Variants in SYT6 observed in about 807,000 individuals in gnomAD.
SYT6 encodes the protein synaptotagmin-6.
SYT6 carries 24 observed loss-of-function variants against 38.4 expected under a neutral mutation model. The ratio of observed to expected loss-of-function variants is 0.62; its 90% CI spans 0.45 to 0.88. The LOEUF (loss-of-function observed/expected upper bound fraction) is 0.88. SYT6 is among the 40% of genes least tolerant of loss of function. SYT6 has a pLI of 0.00. For synonymous variants in SYT6, 265 were observed against 241.9 expected (o/e 1.10, Z -0.89); for missense variants, 611 against 621.0 (o/e 0.98, Z 0.17).
chr1:114,108,031 C>T lies in SYT6; in HGVS notation c.1072-4310G>A, dbSNP rs1177347510. On this transcript the variant is annotated intron_variant, in intron 3 of 7. Coordinates refer to ENST00000610222, the MANE Select transcript of SYT6 (RefSeq NM_001253772.2). ...CCAGCGTAGCCCTCTAGACTTCTAACCTAGGAGCTGATAGGGTAGATCTGA... is the reference window on the plus strand; with the variant it reads ...CCAGCGTAGCCCTCTAGACTTCTAATCTAGGAGCTGATAGGGTAGATCTGA... Among the ~76,000 whole-genome samples, 6 of 152,228 alleles carry T rather than the reference C, an allele frequency of 3.9e-5. No homozygotes were observed. The South Asian group carries it at 6.2e-4, about 16-fold the overall frequency.
intron 3 of SYT6, among the ~76,000 whole-genome samples, chr1:114,114,560 G>C (rs1056974276): frequency 5.3e-5 from 8 of 152,152 alleles, no homozygotes; most frequent in Non-Finnish European, 1.0e-4. Flanking sequence ...TCAGCGGGTG[G>C]GCTGAATATT....
chr1:114,098,982 C>T (rs2101626548), intron 5 of SYT6, 112 bp downstream of exon 5: 1 of 1,136,140 alleles, frequency 8.8e-7, no homozygotes, highest in Non-Finnish European at 1.2e-6. Flanking sequence ...GATTTGAGGC[C>T]TGAACCCTAA....
At position 114,143,213 on chromosome 1, in the gene SYT6, A is replaced by T. The variant is rs982267029; in HGVS notation, c.164-3250T>A. 2.7e-5 allele frequency among the ~76,000 whole-genome samples: 4 copies of T among 148,874 alleles called. No homozygotes were observed. In the South Asian group the frequency reaches 8.4e-4, roughly 31 times the overall value. On this transcript the variant is annotated intron_variant, in intron 1 of 7. Coordinates refer to ENST00000610222, the MANE Select transcript of SYT6 (RefSeq NM_001253772.2). ...ATTTTATACTATATATATTTTATTT[A>T]ATTCTATTGTGCTATTCTAATAATT...
chr1:114,151,095 A>C (rs1679418279), intron 1 of SYT6, among the ~76,000 whole-genome samples: 1 of 152,132 alleles, frequency 6.6e-6, no homozygotes, highest in African/African-American at 2.4e-5. Flanking sequence ...CTGGTTGGAG[A>C]ATCTGGACCC....
chr1:114,130,806 T>C (rs1678098196), intron 3 of SYT6, among the ~76,000 whole-genome samples: 1 of 152,146 alleles, frequency 6.6e-6, no homozygotes, highest in African/African-American at 2.4e-5. Flanking sequence ...TATGCTTACC[T>C]CTTACTCCTG....
chr1:114,130,873 C>T (rs1678102790), intron 3 of SYT6, among the ~76,000 whole-genome samples: 1 of 152,186 alleles, frequency 6.6e-6, no homozygotes, highest in South Asian at 2.1e-4. Flanking sequence ...GGCGTTGTCT[C>T]AAACTGCTAG....
At position 114,090,146 on chromosome 1, in the gene SYT6, C is replaced by T. The variant is rs764108078; in HGVS notation, c.*1988G>A. ...AAGGCCTTCAGCATCTGTTCACTGA[C>T]GGAAACGACTATCTTGATGGGGTCA... On this transcript the variant is annotated 3_prime_UTR_variant, in exon 8 of 8. Transcript: ENST00000610222. 16 of 152,392 alleles carry T rather than the reference C, an allele frequency of 1.0e-4. No individual in the cohort carries two copies. Among genetic ancestry groups the T allele is most frequent in the South Asian group, 4.1e-4 (2 of 4,824 alleles). The allele number at this position is 152,392 out of a possible 1,614,324, so 9.4% of individuals were successfully genotyped here. A position where few individuals can be genotyped will look rare whatever the true frequency, so the allele number is the denominator to read the frequency against.
rs1015303057 is a variant in SYT6, at chr1:114,091,917, T to C, written c.*217A>G. The C allele has an allele frequency of 7.7e-5, 101 of 1,308,866 alleles. No individual in the cohort carries two copies. In the Admixed American group the frequency reaches 1.5e-3, roughly 20 times the overall value. 81.1% of individuals were successfully genotyped at this position (1,308,866 alleles called of 1,614,324 possible). A position where few individuals can be genotyped will look rare whatever the true frequency, so the allele number is the denominator to read the frequency against. Reference sequence around the variant, plus strand: ...TGGAGTGACGGACGGCTGCCGCTGCTGCCGCCACTGCGACTGCACAACACT... The same window carrying C: ...TGGAGTGACGGACGGCTGCCGCTGCCGCCGCCACTGCGACTGCACAACACT... On this transcript the variant is annotated 3_prime_UTR_variant, in exon 8 of 8. Transcript: ENST00000610222.
chr1:114,140,928 G>A (rs1452970622), intron 1 of SYT6, among the ~76,000 whole-genome samples: 3 of 152,246 alleles, frequency 2.0e-5, no homozygotes, highest in Non-Finnish European at 4.4e-5. Context: ...TATTCCTATC[G>A]TCATTGTTTT....
intron 3 of SYT6, among the ~76,000 whole-genome samples, chr1:114,133,490 G>C (rs1173368067): frequency 3.3e-5 from 5 of 152,208 alleles, no homozygotes; most frequent in African/African-American, 1.2e-4. Flanking sequence ...AAGATGCTAG[G>C]AGGGAAGAGC....
At position 114,138,072 on chromosome 1, in the gene SYT6, G is replaced by C. The variant is rs778120005; in HGVS notation, c.513-19C>G. The C allele has an allele frequency of 5.6e-6, 9 of 1,606,010 alleles. No homozygotes were observed. Among genetic ancestry groups the C allele is most frequent in the East Asian group, 2.2e-5 (1 of 44,696 alleles). On this transcript the variant is annotated intron_variant, in intron 2 of 7. Coordinates refer to ENST00000610222, the MANE Select transcript of SYT6 (RefSeq NM_001253772.2). ...CGTGTGCCTGGTAGAGGGCAGGAGG[G>C]GGCAGAGGGAGTGTGGTCAGGGCTC...
At chr1:114,133,845 T>C (rs1275725856) in intron 3 of SYT6, among the ~76,000 whole-genome samples, 4 of 152,150 alleles carry the variant, frequency 2.6e-5, no homozygotes, top group Non-Finnish European at 1.5e-5. Flanking sequence ...AGGCTTAAGA[T>C]TTGCAATTAA....
intron 1 of SYT6, among the ~76,000 whole-genome samples, chr1:114,144,150 A>G (rs937020061): frequency 1.3e-5 from 2 of 152,184 alleles, no homozygotes; most frequent in Admixed American, 6.5e-5. Context: ...GAAAAGACCA[A>G]TGACTTGGTA....
At chr1:114,118,729 A>C (rs530339896) in intron 3 of SYT6, among the ~76,000 whole-genome samples, 2 of 152,124 alleles carry the variant, frequency 1.3e-5, no homozygotes, top group Non-Finnish European at 2.9e-5. Context: ...AGCAGTCAGC[A>C]TTTCCTCTCT....
intron 1 of SYT6, among the ~76,000 whole-genome samples, chr1:114,151,864 C>A (rs1431305215): frequency 6.6e-6 from 1 of 152,072 alleles, no homozygotes; most frequent in African/African-American, 2.4e-5. Context: ...ATGTGTTCTG[C>A]GAATCTCCAA....
At chr1:114,099,021 G>T in intron 5 of SYT6, 73 bp downstream of exon 5, 2 of 1,487,156 alleles carry the variant, frequency 1.3e-6, no homozygotes, top group Non-Finnish European at 9.1e-7. Flanking sequence ...AAGGTCTAAG[G>T]TCAAGGAGCC....
intron 7 of SYT6, among the ~76,000 whole-genome samples, chr1:114,092,766 G>A (rs1200675160): frequency 6.6e-6 from 1 of 152,202 alleles, no homozygotes; most frequent in Non-Finnish European, 1.5e-5. Flanking sequence ...GTGAAGGACA[G>A]GGCTGAGGCT....
At chr1:114,113,429 T>C (rs1221594162) in intron 3 of SYT6, among the ~76,000 whole-genome samples, 1 of 152,102 alleles carries the variant, frequency 6.6e-6, no homozygotes, top group Non-Finnish European at 1.5e-5. Context: ...TCCGCAGACA[T>C]CTCTTCTAGA....
rs769628293 is a variant in SYT6 at position 114,138,010 on chromosome 1, A to C, written c.556T>G (p.Ser186Ala). Residue 186 changes from serine (S) to alanine (A), a missense_variant, in exon 3 of 8, where the codon TCC (serine) becomes GCC (alanine). Coordinates refer to ENST00000610222, the MANE Select transcript of SYT6 (RefSeq NM_001253772.2). ...KRHLPRQMHV[S>A]SVDYGNELPP... ...AGCTCATTGCCATAGTCTACACTGGAGACATGCATCTGCCTTGGCAGGTGG... is the reference window on the plus strand; with the variant it reads ...AGCTCATTGCCATAGTCTACACTGGCGACATGCATCTGCCTTGGCAGGTGG... The C allele has an allele frequency of 5.6e-6, 9 of 1,613,728 alleles. No homozygotes were observed. The East Asian group carries it at 2.0e-4, about 36-fold the overall frequency.
Sources: gnomAD v4.1 joint callset for allele counts (sites outside exome capture counted in the v4.1 genomes callset) on GRCh38, gnomAD v4.1.1 for gene constraint, MANE v1.5 for transcripts, NCBI Gene and HGNC (gene_info 2026-07-23, HGNC 2026-07-21) for gene names.